Variants in ITSN1 observed in about 807,000 individuals in gnomAD.
The protein encoded by ITSN1 is intersectin-1.
ITSN1 carries 58 observed loss-of-function variants against 239.8 expected under a neutral mutation model. The observed-to-expected ratio is 0.24, with a 90% CI of 0.20 to 0.30. The LOEUF is 0.30. ITSN1 is among the 10% of genes least tolerant of loss of function. The pLI is 1.00. For missense variants in ITSN1, 1,558 were observed against 2,103.3 expected (o/e 0.74, Z 5.07); for synonymous variants, 780 against 770.8 (o/e 1.01, Z -0.20).
At chr21:33,873,005 A>G (rs572878042) in intron 33 of ITSN1, among the ~76,000 whole-genome samples, 1 of 152,320 alleles carries the variant, frequency 6.6e-6, no homozygotes, top group East Asian at 1.9e-4. Flanking sequence ...TGGTTCTCAG[A>G]TTTGACTGCA....
intron 16 of ITSN1, among the ~76,000 whole-genome samples, chr21:33,785,367 C>T (rs557577809): frequency 1.3e-5 from 2 of 152,160 alleles, no homozygotes; most frequent in Non-Finnish European, 2.9e-5. Flanking sequence ...AGGGAATAAT[C>T]GTACCCTGGT....
chr21:33,729,919 C>T (rs1403363256), intron 4 of ITSN1, among the ~76,000 whole-genome samples: 1 of 152,166 alleles, frequency 6.6e-6, no homozygotes, highest in Non-Finnish European at 1.5e-5. Flanking sequence ...AATTGAAGTC[C>T]TGCGTTTTTA....
intron 1 of ITSN1, among the ~76,000 whole-genome samples, chr21:33,696,300 T>C (rs1184778761): frequency 1.3e-5 from 2 of 152,306 alleles, no homozygotes; most frequent in Middle Eastern, 3.4e-3. Flanking sequence ...CCTGTGCAGA[T>C]TGCCTTTATC....
At chr21:33,851,200 G>T (rs749748352) in intron 29 of ITSN1, among the ~76,000 whole-genome samples, 1 of 151,870 alleles carries the variant, frequency 6.6e-6, no homozygotes, top group African/African-American at 2.4e-5. Context: ...TCTCCGCGTC[G>T]ACCTGGCACC....
chr21:33,861,409 G>A (rs1240384532), intron 31 of ITSN1, among the ~76,000 whole-genome samples: 1 of 151,980 alleles, frequency 6.6e-6, no homozygotes, highest in Middle Eastern at 3.2e-3. Flanking sequence ...GTGGGGCAGG[G>A]GGTAGGGCAG....
At chr21:33,872,517 AATTTTT>A (rs1405945629) in intron 33 of ITSN1, among the ~76,000 whole-genome samples, 10 of 152,152 alleles carry the variant, frequency 6.6e-5, no homozygotes, top group Non-Finnish European at 1.3e-4. Flanking sequence ...AGTATGATCC[AATTTTT>A]ATTTTTATTT....
At chr21:33,849,514 C>T (rs2075090905) in intron 29 of ITSN1, among the ~76,000 whole-genome samples, 1 of 138,538 alleles carries the variant, frequency 7.2e-6, no homozygotes, top group African/African-American at 2.7e-5. Context: ...TGCAGTGAGC[C>T]AAGATTGCAC....
At chr21:33,718,743 G>T in intron 1 of ITSN1, 54 bp from the exon 2 acceptor site, 1 of 1,153,192 alleles carries the variant, frequency 8.7e-7, no homozygotes. Flanking sequence ...GTGTGTTTAT[G>T]ATTATACAGG....
intron 33 of ITSN1, among the ~76,000 whole-genome samples, chr21:33,874,152 G>A (rs1333459699): frequency 2.0e-5 from 2 of 98,890 alleles, no homozygotes; most frequent in Admixed American, 1.4e-4. Flanking sequence ...GCAAAACTCC[G>A]TCTCAAAAAA....
rs77690155 is a variant in ITSN1, at chr21:33,766,257, A to G, written c.926+245A>G. ...TAGATTGTTGATTTTCTACCAACCT[A>G]TGTCATCAATGCTTACCAGAAATTT... On this transcript the variant is annotated intron_variant, in intron 10 of 39. Transcript: ENST00000381318. Among the ~76,000 whole-genome samples the G allele has an allele frequency of 5.0e-3, 755 of 152,328 alleles. 4 individuals carry two copies. The highest frequency in any genetic ancestry group is 0.017 in the African/African-American group (706 of 41,578).
chr21:33,672,183 C>T (rs111782374), intron 1 of ITSN1, among the ~76,000 whole-genome samples: 3,984 of 149,994 alleles, frequency 0.027, 61 homozygotes, highest in Non-Finnish European at 0.037. Context: ...ACGGAGGTTA[C>T]GGTGAGCTGG....
At chr21:33,835,412 A>G (rs949973579) in intron 28 of ITSN1, among the ~76,000 whole-genome samples, 5 of 152,222 alleles carry the variant, frequency 3.3e-5, no homozygotes, top group African/African-American at 1.2e-4. Context: ...GAGAATTTAA[A>G]AAGCCTAAAC....
At chr21:33,663,580 G>A (rs1271375155) in intron 1 of ITSN1, among the ~76,000 whole-genome samples, 1 of 152,152 alleles carries the variant, frequency 6.6e-6, no homozygotes, top group Non-Finnish European at 1.5e-5. Context: ...TTACTTCTTT[G>A]TGACATACCT....
intron 5 of ITSN1, among the ~76,000 whole-genome samples, chr21:33,749,572 G>T (rs2067411562): frequency 6.6e-6 from 1 of 151,852 alleles, no homozygotes; most frequent in Non-Finnish European, 1.5e-5. Context: ...AACTCGGGAG[G>T]TGGAGGTTGC....
intron 17 of ITSN1, among the ~76,000 whole-genome samples, chr21:33,796,026 C>T (rs1198838807): frequency 6.6e-6 from 1 of 150,586 alleles, no homozygotes; most frequent in East Asian, 2.0e-4. Context: ...TGCAGTGGCA[C>T]GATCTCGGCT....
intron 7 of ITSN1, among the ~76,000 whole-genome samples, chr21:33,753,149 T>C (rs768976597): frequency 1.3e-5 from 2 of 152,196 alleles, no homozygotes; most frequent in Non-Finnish European, 2.9e-5. Flanking sequence ...CAAACTGAGA[T>C]GTCTGATTTT....
At chr21:33,736,411 A>G (rs1470501447) in intron 5 of ITSN1, among the ~76,000 whole-genome samples, 2 of 142,670 alleles carry the variant, frequency 1.4e-5, no homozygotes, top group African/African-American at 2.8e-5. Flanking sequence ...TTTAGCCACA[A>G]GGCTGGTTTT....
Position 33,885,460 on chromosome 21 carries a change from G to T in ITSN1, c.4781G>T (p.Gly1594Val). The change falls in exon 38 of 40, where the codon GGC (glycine) becomes GTC (valine). Residue 1594 changes from glycine to valine, a missense_variant. By Grantham distance (109) the Gly-to-Val change is moderately radical. Around this residue, in one of 2 missense-constraint regions of ITSN1, gnomAD observed 576 missense variants for 893.3 expected, o/e 0.64. Transcript: ENST00000381318. ...ATAGTCCGTTCCCAAAGGGCAACAG[G>T]CATTGGAAGGTTGATGGTGAACGTG... ...AYLVRSQRAT[G>V]IGRLMVNVVE... 6.2e-7 allele frequency: 1 copy of T among 1,614,118 alleles called. No individual in the cohort carries two copies. Among genetic ancestry groups the T allele is most frequent in the Non-Finnish European group, 8.5e-7 (1 of 1,180,022 alleles).
chr21:33,817,065 C>T (rs944318510), intron 22 of ITSN1, among the ~76,000 whole-genome samples: 3 of 152,164 alleles, frequency 2.0e-5, no homozygotes, highest in African/African-American at 7.2e-5. Flanking sequence ...AAGGCATGTA[C>T]AAATTGGTTC....
Sources: gnomAD v4.1 joint callset for allele counts (sites outside exome capture counted in the v4.1 genomes callset) on GRCh38, gnomAD v4.1.1 for gene constraint, gnomAD v4.1.1 regional missense constraint, MANE v1.5 for transcripts, NCBI Gene and HGNC (gene_info 2026-07-23, HGNC 2026-07-21) for gene names.